PEX14: variants seen among roughly 807,000 people sequenced by gnomAD.
PEX14 encodes peroxisomal biogenesis factor 14.
Under a neutral mutation model 49.5 loss-of-function variants are expected in PEX14, and 15 were observed. That is an observed-to-expected ratio of 0.30 (90% confidence interval 0.20 to 0.47). The LOEUF (loss-of-function observed/expected upper bound fraction) is 0.47. Among genes scored for constraint, PEX14 ranks in the 20% least tolerant of loss-of-function variants. The probability of loss-of-function intolerance (pLI) is 1.00; values close to 1 mark genes in which losing one functional copy is unlikely to be tolerated. For synonymous variants in PEX14, 210 were observed against 212.7 expected, an observed-to-expected ratio of 0.99 and a Z score of 0.11; for missense variants, 398 against 494.8, an observed-to-expected ratio of 0.80 and a Z score of 1.86.
chr1:10,615,432 A>G (rs1641385212), intron 4 of PEX14, among the ~76,000 whole-genome samples: 1 of 152,254 alleles, frequency 6.6e-6, no homozygotes, highest in African/African-American at 2.4e-5. Flanking sequence ...AAATGAGATC[A>G]ATGCAAATTA....
chr1:10,475,110 A>C, intron 1 of PEX14, 108 bp downstream of exon 1: 3 of 1,081,370 alleles, frequency 2.8e-6, no homozygotes, highest in Non-Finnish European at 4.2e-6. Flanking sequence ...GAAGCTGGGG[A>C]CCCCGACCTC....
chr1:10,537,984 G>C (rs1000076500), intron 3 of PEX14, among the ~76,000 whole-genome samples: 3 of 152,150 alleles, frequency 2.0e-5, no homozygotes, highest in African/African-American at 7.2e-5. Flanking sequence ...AAATCCAACT[G>C]ATCAATTCAT....
At chr1:10,602,046 A>G (rs1005284697) in intron 4 of PEX14, among the ~76,000 whole-genome samples, 1 of 152,194 alleles carries the variant, frequency 6.6e-6, no homozygotes, top group African/African-American at 2.4e-5. Flanking sequence ...CCTACTTTCC[A>G]TAGACACAAA....
At chr1:10,599,096 G>A (rs1033612097) in intron 3 of PEX14, 142 bp from the exon 4 acceptor site, 18 of 807,994 alleles carry the variant, frequency 2.2e-5, no homozygotes, top group Non-Finnish European at 3.2e-5. Flanking sequence ...GAGAGGTTCC[G>A]GAGAATCTGA....
intron 2 of PEX14, among the ~76,000 whole-genome samples, chr1:10,531,871 C>A (rs990056110): frequency 9.9e-5 from 15 of 152,038 alleles, no homozygotes; most frequent in Admixed American, 1.3e-4. Context: ...CCTCCTGTCC[C>A]CCTCGTGCAG....
At chr1:10,585,291 C>T (rs548401192) in intron 3 of PEX14, among the ~76,000 whole-genome samples, 24 of 152,106 alleles carry the variant, frequency 1.6e-4, no homozygotes, top group African/African-American at 5.1e-4. Context: ...CCATCAGAAA[C>T]CACCTTGACT....
chr1:10,508,578 C>G (rs1417263980), intron 2 of PEX14, among the ~76,000 whole-genome samples: 1 of 152,170 alleles, frequency 6.6e-6, no homozygotes, highest in East Asian at 1.9e-4. Context: ...GCTCCCTCCC[C>G]CCCAGAAGTG....
At chr1:10,614,051 CT>C (rs1432179635) in intron 4 of PEX14, among the ~76,000 whole-genome samples, 1 of 152,210 alleles carries the variant, frequency 6.6e-6, no homozygotes, top group African/African-American at 2.4e-5. Context: ...CTGCACCAGA[CT>C]TGGAAAAAAT....
At chr1:10,491,106 A>G (rs970414925) in intron 1 of PEX14, among the ~76,000 whole-genome samples, 1 of 149,860 alleles carries the variant, frequency 6.7e-6, no homozygotes, top group Non-Finnish European at 1.5e-5. Context: ...TGACCAGGTG[A>G]TCTGCCTGCC....
At chr1:10,487,590 T>C (rs924358218) in intron 1 of PEX14, among the ~76,000 whole-genome samples, 2 of 146,878 alleles carry the variant, frequency 1.4e-5, no homozygotes, top group African/African-American at 5.0e-5. Flanking sequence ...GTTCAAGCGA[T>C]TCTCCTGCCT....
intron 2 of PEX14, among the ~76,000 whole-genome samples, chr1:10,518,641 G>T (rs1642012993): frequency 6.6e-6 from 1 of 152,150 alleles, no homozygotes; most frequent in Non-Finnish European, 1.5e-5. Flanking sequence ...CAATTAGATT[G>T]AAATCTCTAT....
intron 3 of PEX14, among the ~76,000 whole-genome samples, chr1:10,594,761 A>G (rs1640787348): frequency 6.6e-6 from 1 of 152,178 alleles, no homozygotes; most frequent in Non-Finnish European, 1.5e-5. Flanking sequence ...CAGAGAAAAG[A>G]CAGCCCTTCC....
intron 3 of PEX14, among the ~76,000 whole-genome samples, chr1:10,563,790 T>G (rs1401976578): frequency 1.3e-5 from 2 of 149,992 alleles, no homozygotes; most frequent in Non-Finnish European, 3.0e-5. Context: ...CGGGTGCCTG[T>G]AGTTCCAGCT....
At chr1:10,501,306 A>ATTTTTT (rs1446930201) in intron 2 of PEX14, among the ~76,000 whole-genome samples, 5 of 151,748 alleles carry the variant, frequency 3.3e-5, no homozygotes, top group Non-Finnish European at 5.9e-5. Flanking sequence ...TTTTATTTTT[A>ATTTTTT]TTTTTATTTT....
chr1:10,617,205 T>G (rs1641449885), intron 4 of PEX14: 4 of 152,112 alleles, frequency 2.6e-5, no homozygotes, highest in Admixed American at 2.6e-4. Context: ...AGCAGCAATG[T>G]GTTCTCCTGA....
At chr1:10,534,084 A>T (rs1282715854) in intron 2 of PEX14, among the ~76,000 whole-genome samples, 2 of 152,230 alleles carry the variant, frequency 1.3e-5, no homozygotes, top group African/African-American at 4.8e-5. Flanking sequence ...TGGGTAAATG[A>T]TAGGAGCTGT....
intron 2 of PEX14, among the ~76,000 whole-genome samples, chr1:10,526,852 A>T (rs1638498927): frequency 6.6e-6 from 1 of 152,078 alleles, no homozygotes; most frequent in Non-Finnish European, 1.5e-5. Context: ...AGGATCTAGG[A>T]CTTGGTGGCA....
chr1:10,508,307 T>C (rs758785368), intron 2 of PEX14, among the ~76,000 whole-genome samples: 17 of 152,006 alleles, frequency 1.1e-4, no homozygotes, highest in Admixed American at 2.6e-4. Flanking sequence ...CCCGGATTCA[T>C]GCCATTCTCC....
intron 2 of PEX14, among the ~76,000 whole-genome samples, chr1:10,508,971 C>G (rs1005673851): frequency 1.3e-5 from 2 of 150,782 alleles, no homozygotes; most frequent in Admixed American, 1.3e-4. Flanking sequence ...GAGTCTCGCT[C>G]TGTCGCCCAG....
Sources: allele counts gnomAD v4.1 joint callset (sites outside exome capture counted in the v4.1 genomes callset), GRCh38; gene constraint gnomAD v4.1.1; transcripts MANE v1.5; gene names NCBI Gene and HGNC (gene_info 2026-07-23, HGNC 2026-07-21).